SLC30A8: variants seen among roughly 807,000 people sequenced by gnomAD.
SLC30A8 encodes the protein solute carrier family 30 member 8.
In SLC30A8, 27 loss-of-function variants were observed where a neutral mutation model predicts 36.9. The observed-to-expected ratio is 0.73, with a 90% confidence interval of 0.54 to 1.01. The LOEUF is 1.01. Ranked by LOEUF, SLC30A8 falls within the 50% of genes least tolerant of loss-of-function variation. SLC30A8 has a pLI of 0.00. For synonymous variants in SLC30A8, 164 were observed against 172.4 expected, an observed-to-expected ratio of 0.95 and a Z score of 0.38; for missense variants, 439 against 452.0, an observed-to-expected ratio of 0.97 and a Z score of 0.26.
chr8:117,171,102 G>A lies in SLC30A8; in HGVS notation c.898G>A (p.Val300Met), dbSNP rs1823358372. ...TTTAGCAGTCGACGGGGTGCTGTCT[G>A]TGCACAGCCTGCACATCTGGTCTCT... Reference protein sequence around the residue: ...LILAVDGVLSVHSLHIWSLTM... With the variant: ...LILAVDGVLSMHSLHIWSLTM... Residue 300 changes from valine to methionine, a missense_variant, in exon 7 of 8, where the codon GTG (valine) becomes ATG (methionine). Transcript: ENST00000456015. 6.2e-7 allele frequency: 1 copy of A among 1,613,304 alleles called. No homozygotes were observed. The highest frequency in any genetic ancestry group is 8.5e-7 in the Non-Finnish European group (1 of 1,179,514).
At chr8:117,006,102 A>G (rs1168148300) in intron 1 of SLC30A8, among the ~76,000 whole-genome samples, 1 of 152,216 alleles carries the variant, frequency 6.6e-6, no homozygotes, top group Non-Finnish European at 1.5e-5. Flanking sequence ...CAGAGGCACT[A>G]ATAACCTCTG....
rs71305452 is a variant in SLC30A8, at chr8:116,977,510, CTT to C, written c.-266+26409_-266+26410del. On this transcript the variant is annotated intron_variant, in intron 1 of 10. Transcript: ENST00000427715. ...TAGACACACTGTTACTACTTTACCA[CTT>C]TTTTTTTTTTTTTTTTTGAGATAGA... Among the ~76,000 whole-genome samples, 111 of 116,348 alleles carry C rather than the reference CTT, an allele frequency of 9.5e-4. No individual in the cohort carries two copies. The Middle Eastern group carries it at 0.017, about 18-fold the overall frequency. 76.3% of individuals were successfully genotyped at this position (116,348 alleles called of 152,430 possible).
chr8:117,090,123 C>G (rs984789389), intron 2 of SLC30A8, among the ~76,000 whole-genome samples: 1 of 152,034 alleles, frequency 6.6e-6, no homozygotes, highest in African/African-American at 2.4e-5. Flanking sequence ...GCCACCATGC[C>G]TGGCTAATTT....
chr8:117,089,893 G>T (rs1015383353), intron 2 of SLC30A8, among the ~76,000 whole-genome samples: 3 of 152,040 alleles, frequency 2.0e-5, no homozygotes, highest in Admixed American at 2.0e-4. Flanking sequence ...ATCTCTTTGG[G>T]TTTTCCTGGA....
intron 1 of SLC30A8, among the ~76,000 whole-genome samples, chr8:116,957,742 A>G (rs533456212): frequency 3.3e-5 from 5 of 152,182 alleles, no homozygotes; most frequent in East Asian, 1.9e-4. Flanking sequence ...AGGTATTTCT[A>G]TTGTGGGATT....
intron 2 of SLC30A8, among the ~76,000 whole-genome samples, chr8:117,120,207 T>A (rs1820632810): frequency 6.6e-6 from 1 of 152,012 alleles, no homozygotes; most frequent in South Asian, 2.1e-4. Context: ...CACTTTCTGA[T>A]TTTAAAACAT....
At chr8:116,952,997 G>C (rs1463521931) in intron 1 of SLC30A8, among the ~76,000 whole-genome samples, 1 of 151,516 alleles carries the variant, frequency 6.6e-6, no homozygotes, top group Non-Finnish European at 1.5e-5. Context: ...ATAGTGCCCG[G>C]TAGTTTTTCA....
chr8:117,109,082 C>T (rs1331871086), intron 2 of SLC30A8, among the ~76,000 whole-genome samples: 4 of 152,066 alleles, frequency 2.6e-5, no homozygotes, highest in South Asian at 2.1e-4. Context: ...GTAAAAGTCA[C>T]GAGGTTGAGT....
intron 6 of SLC30A8, among the ~76,000 whole-genome samples, chr8:117,163,764 A>G (rs1822911479): frequency 2.0e-5 from 3 of 152,182 alleles, no homozygotes; most frequent in African/African-American, 4.8e-5. Flanking sequence ...ACAGTGTAAA[A>G]ACAGTAAGTA....
At chr8:117,041,549 G>C (rs989319629) in intron 2 of SLC30A8, among the ~76,000 whole-genome samples, 1 of 152,096 alleles carries the variant, frequency 6.6e-6, no homozygotes, top group African/African-American at 2.4e-5. Flanking sequence ...AATTAGCTGG[G>C]CGTGGTGGTG....
At chr8:117,044,023 G>A (rs575506028) in intron 2 of SLC30A8, among the ~76,000 whole-genome samples, 2 of 152,314 alleles carry the variant, frequency 1.3e-5, no homozygotes, top group East Asian at 1.9e-4. Flanking sequence ...ATTATATAGT[G>A]TTGGAAGAAC....
intron 1 of SLC30A8, among the ~76,000 whole-genome samples, chr8:117,146,613 G>A (rs1821907141): frequency 2.0e-5 from 3 of 152,132 alleles, no homozygotes; most frequent in African/African-American, 7.2e-5. Context: ...TTGTAGCACA[G>A]TGTCCACAGT....
intron 1 of SLC30A8, among the ~76,000 whole-genome samples, chr8:116,956,687 G>A (rs1280984319): frequency 6.6e-6 from 1 of 152,184 alleles, no homozygotes; most frequent in African/African-American, 2.4e-5. Context: ...ATTACAGAAA[G>A]TGGACTTCAT....
rs193265352 is a variant in SLC30A8, at chr8:117,016,152, C to T, written c.-265-23067C>T. Among the ~76,000 whole-genome samples the T allele has an allele frequency of 2.0e-3, 307 of 152,212 alleles. 1 individual carries two copies. Among genetic ancestry groups the T allele is most frequent in the African/African-American group, 7.2e-3 (298 of 41,524 alleles). On this transcript the variant is annotated intron_variant, in intron 1 of 10. Transcript: ENST00000427715. The stretch of plus-strand genomic sequence containing the variant: ...GACCAGGCAGAAGAAACTAGAAATC[C>T]AGAAATCCAAAAACTGGGATATTGA...
rs1272858686 is a variant in SLC30A8 at position 117,135,399 on chromosome 8, G to T, written c.71+1G>T. 7.6e-6 allele frequency: 12 copies of T among 1,578,172 alleles called. No homozygotes were observed. Among genetic ancestry groups the T allele is most frequent in the Non-Finnish European group, 1.0e-5 (12 of 1,157,798 alleles). Reference sequence around the variant, plus strand: ...AGATGTATGCTTTCACACTAGAAAGGTAATAGATGTCTGTGTCTGCTTCAC... The same window carrying T: ...AGATGTATGCTTTCACACTAGAAAGTTAATAGATGTCTGTGTCTGCTTCAC... On this transcript the variant is annotated splice_donor_variant, in intron 1 of 7. Transcript: ENST00000456015. LOFTEE classifies it high-confidence loss of function.
chr8:117,118,730 T>C (rs1387270370), intron 2 of SLC30A8, among the ~76,000 whole-genome samples: 1 of 151,958 alleles, frequency 6.6e-6, no homozygotes, highest in Non-Finnish European at 1.5e-5. Context: ...ATCTAGTTCC[T>C]TTTCTAAGCA....
At chr8:117,015,672 A>T (rs1816494747) in intron 1 of SLC30A8, among the ~76,000 whole-genome samples, 1 of 152,038 alleles carries the variant, frequency 6.6e-6, no homozygotes, top group African/African-American at 2.4e-5. Context: ...GGAGGGGAGC[A>T]TTTTTCCTCA....
intron 2 of SLC30A8, among the ~76,000 whole-genome samples, chr8:117,099,350 T>C (rs1403657170): frequency 6.6e-6 from 1 of 152,184 alleles, no homozygotes; most frequent in Admixed American, 6.5e-5. Flanking sequence ...TCACCTTCCC[T>C]TGTTTTAAAA....
intron 2 of SLC30A8, among the ~76,000 whole-genome samples, chr8:117,151,492 A>T (rs1391566301): frequency 6.6e-6 from 1 of 152,228 alleles, no homozygotes; most frequent in Non-Finnish European, 1.5e-5. Flanking sequence ...AGTTTTCTGG[A>T]TGGCTCTTAT....
Sources: allele counts gnomAD v4.1 joint callset (sites outside exome capture counted in the v4.1 genomes callset), GRCh38; gene constraint gnomAD v4.1.1; transcripts MANE v1.5; gene names NCBI Gene and HGNC (gene_info 2026-07-23, HGNC 2026-07-21).